Variants in ARHGAP22 observed in about 807,000 individuals in gnomAD.
The protein encoded by ARHGAP22 is rho GTPase-activating protein 22.
A neutral mutation model predicts 59.1 loss-of-function variants in ARHGAP22; 48 were observed. The ratio of observed to expected loss-of-function variants is 0.81; its 90% CI spans 0.64 to 1.03. The LOEUF (loss-of-function observed/expected upper bound fraction) is 1.03. Ranked by LOEUF, ARHGAP22 falls within the 50% of genes least tolerant of loss-of-function variation. The probability of loss-of-function intolerance (pLI) is 0.00; values close to 1 mark genes in which losing one functional copy is unlikely to be tolerated. For missense variants in ARHGAP22, 1,015 were observed against 958.7 expected, an observed-to-expected ratio of 1.06 and a Z score of -0.78; for synonymous variants, 445 against 416.4, an observed-to-expected ratio of 1.07 and a Z score of -0.84.
intron 3 of ARHGAP22, among the ~76,000 whole-genome samples, chr10:48,508,970 C>A (rs1267898486): frequency 1.3e-5 from 2 of 152,402 alleles, no homozygotes; most frequent in Admixed American, 1.3e-4. Context: ...GAGGATACCA[C>A]TGTTATCTAA....
At chr10:48,482,244 T>G (rs912957998) in intron 3 of ARHGAP22, among the ~76,000 whole-genome samples, 5 of 152,274 alleles carry the variant, frequency 3.3e-5, no homozygotes, top group African/African-American at 4.8e-5. Context: ...AGTTTTAGGA[T>G]TTACATGTAG....
the ARHGAP22 span, chr10:48,435,043 C>A: frequency 1.2e-5 from 3 of 248,668 alleles, no homozygotes; most frequent in Middle Eastern, 4.7e-4. Context: ...CTTGGGCCAT[C>A]GGGGGGTGGG....
rs77866537 is a variant in ARHGAP22, at chr10:48,614,451, C to G, written c.53-31299G>C. Among the ~76,000 whole-genome samples the G allele has an allele frequency of 3.3e-5, 5 of 152,224 alleles. 1 individual carries two copies. In the East Asian group the frequency reaches 9.6e-4, roughly 29 times the overall value. The stretch of plus-strand genomic sequence containing the variant: ...ATGGATTACATGCTACCCAAATCCC[C>G]TTATGAAAAAAGCCCCATACTCAGC... On this transcript the variant is annotated intron_variant, in intron 1 of 9. Transcript: ENST00000435790.
chr10:48,496,022 T>A (rs2050889000), intron 3 of ARHGAP22, among the ~76,000 whole-genome samples: 1 of 152,138 alleles, frequency 6.6e-6, no homozygotes, highest in Non-Finnish European at 1.5e-5. Flanking sequence ...GAGCCCACAG[T>A]TGCAGCCAAT....
Position 48,455,011 on chromosome 10 carries a change from G to A in ARHGAP22, c.783C>T (p.Asp261=), listed in dbSNP as rs762173518. The change falls in exon 6 of 10, where the codon GAC becomes GAT. Residue 261 remains aspartate (D), a synonymous_variant. Transcript: ENST00000249601. Reference sequence around the variant, plus strand: ...CCCAGGAGCCACTGACCTCCCCCTCGTCCTTGGTGAGCAGCTGGGCGCAGC... The same window carrying A: ...CCCAGGAGCCACTGACCTCCCCCTCATCCTTGGTGAGCAGCTGGGCGCAGC... ...FLSCAQLLTK[D]EGEGTLELAK... The A allele has an allele frequency of 2.4e-5, 38 of 1,601,470 alleles. No homozygotes were observed. The highest frequency in any genetic ancestry group is 1.2e-4 in the South Asian group (11 of 89,886).
At chr10:48,596,498 G>A (rs972477223) in intron 1 of ARHGAP22, among the ~76,000 whole-genome samples, 1 of 152,150 alleles carries the variant, frequency 6.6e-6, no homozygotes, top group Admixed American at 6.5e-5. Flanking sequence ...AATGAGGTGA[G>A]CCTCACTGAG....
At chr10:48,512,035 G>A (rs567591993) in intron 3 of ARHGAP22, among the ~76,000 whole-genome samples, 2 of 152,326 alleles carry the variant, frequency 1.3e-5, no homozygotes, top group South Asian at 4.1e-4. Flanking sequence ...CTCCAGTGGT[G>A]AGCAGGCTCT....
chr10:48,536,139 GC>G (rs1474465649), intron 3 of ARHGAP22, among the ~76,000 whole-genome samples: 1 of 152,242 alleles, frequency 6.6e-6, no homozygotes, highest in Non-Finnish European at 1.5e-5. Flanking sequence ...AGGGTGTTCT[GC>G]CTTCTGAGAA....
At chr10:48,588,925 C>T (rs534124547) in intron 1 of ARHGAP22, among the ~76,000 whole-genome samples, 13 of 152,308 alleles carry the variant, frequency 8.5e-5, no homozygotes, top group African/African-American at 3.1e-4. Context: ...CAGGCCAGGC[C>T]TCGAAGGATA....
chr10:48,562,557 T>G (rs562759269), intron 2 of ARHGAP22, among the ~76,000 whole-genome samples: 2 of 152,308 alleles, frequency 1.3e-5, no homozygotes, highest in East Asian at 1.9e-4. Flanking sequence ...GTACATACTG[T>G]GTGATTCCAT....
At chr10:48,505,536 G>A (rs777012167) in intron 3 of ARHGAP22, among the ~76,000 whole-genome samples, 2 of 151,920 alleles carry the variant, frequency 1.3e-5, no homozygotes, top group Non-Finnish European at 2.9e-5. Context: ...TCCTGCCACC[G>A]AGCCCCATCC....
At chr10:48,579,705 C>T (rs1276519613) in intron 2 of ARHGAP22, among the ~76,000 whole-genome samples, 4 of 152,182 alleles carry the variant, frequency 2.6e-5, no homozygotes. Flanking sequence ...TGCGAAGCAT[C>T]AAACATGGCT....
At chr10:48,654,736 G>T (rs1036487506), upstream of ARHGAP22, among the ~76,000 whole-genome samples, 8 of 151,996 alleles carry the variant, frequency 5.3e-5, no homozygotes, top group African/African-American at 1.9e-4. Flanking sequence ...CAGAGGGAGA[G>T]GGGGAATGTT....
At chr10:48,437,175 T>C in the ARHGAP22 span, 1 of 152,256 alleles carries the variant, frequency 6.6e-6, no homozygotes, top group Admixed American at 6.5e-5. Flanking sequence ...CAAACTCTCA[T>C]TACTTAGTGT....
At chr10:48,482,649 T>A (rs188140885) in intron 3 of ARHGAP22, among the ~76,000 whole-genome samples, 118 of 152,296 alleles carry the variant, frequency 7.7e-4, no homozygotes, top group African/African-American at 2.5e-3. Flanking sequence ...GCTGAGAGGT[T>A]TTTTTTATTG....
chr10:48,453,531 G>A (rs993542569), intron 7 of ARHGAP22, 106 bp from the exon 8 acceptor site: 3 of 1,532,624 alleles, frequency 2.0e-6, no homozygotes, highest in Middle Eastern at 1.8e-4. Flanking sequence ...CCTGCTGCCT[G>A]TGGGCTTTTG....
rs967895857 is a variant in ARHGAP22, at chr10:48,446,415, T to C, written c.2073A>G (p.Ala691=). The C allele has an allele frequency of 1.2e-6, 2 of 1,614,084 alleles. No individual in the cohort carries two copies. Among genetic ancestry groups the C allele is most frequent in the Non-Finnish European group, 1.7e-6 (2 of 1,180,038 alleles). ...FSTLGSLTVG[A]KGARAPK ...TTTACTTTGGGGCCCTGGCACCTTT[T>C]GCCCCAACAGTCAAGCTTCCTAGGG... Residue 691 remains alanine (A), a synonymous_variant, in exon 10 of 10, where the codon GCA becomes GCG. Coordinates refer to ENST00000249601, the MANE Select transcript of ARHGAP22 (RefSeq NM_021226.4).
At chr10:48,479,344 T>C in intron 4 of ARHGAP22, 1 of 502,092 alleles carries the variant, frequency 2.0e-6, no homozygotes. Flanking sequence ...AGAATGGAGA[T>C]GAGGGAAGGC....
intron 2 of ARHGAP22, among the ~76,000 whole-genome samples, chr10:48,566,499 C>T (rs1223031481): frequency 1.3e-5 from 2 of 152,178 alleles, no homozygotes; most frequent in African/African-American, 4.8e-5. Flanking sequence ...GGTAAAGGAA[C>T]GTTCCCTCCC....
Sources: gnomAD v4.1 joint callset for allele counts (sites outside exome capture counted in the v4.1 genomes callset) on GRCh38, gnomAD v4.1.1 for gene constraint, MANE v1.5 for transcripts, NCBI Gene and HGNC (gene_info 2026-07-23, HGNC 2026-07-21) for gene names.